SGIP1: variants seen among roughly 807,000 people sequenced by gnomAD.
SGIP1 encodes SH3GL interacting endocytic adaptor 1.
Under a neutral mutation model 107.5 loss-of-function variants are expected in SGIP1, and 38 were observed. The ratio of observed to expected loss-of-function variants is 0.35; its 90% confidence interval spans 0.27 to 0.46. SGIP1 has a LOEUF of 0.46. Among genes scored for constraint, SGIP1 ranks in the 20% least tolerant of loss-of-function variants. The pLI, the probability that SGIP1 is intolerant of heterozygous loss-of-function variation, is 1.00. For missense variants in SGIP1, 929 were observed against 1,019.5 expected (o/e 0.91, Z 1.21); for synonymous variants, 365 against 366.1 (o/e 1.00, Z 0.03).
chr1:66,665,950 TC>T (rs759844771), intron 8 of SGIP1: 1 of 151,988 alleles, frequency 6.6e-6, no homozygotes, highest in Non-Finnish European at 1.5e-5. Flanking sequence ...TAGTTTCTTT[TC>T]CTGTGCAGAA....
intron 1 of SGIP1, among the ~76,000 whole-genome samples, chr1:66,597,245 G>T (rs2064887961): frequency 6.6e-6 from 1 of 152,136 alleles, no homozygotes; most frequent in African/African-American, 2.4e-5. Flanking sequence ...AATGTCTATT[G>T]TTCCCTTCTT....
intron 20 of SGIP1, among the ~76,000 whole-genome samples, chr1:66,732,886 T>C (rs1010378191): frequency 6.6e-6 from 1 of 152,192 alleles, no homozygotes; most frequent in Non-Finnish European, 1.5e-5. Flanking sequence ...TATAGGATAT[T>C]CTGAAAGTGA....
intron 18 of SGIP1, among the ~76,000 whole-genome samples, chr1:66,702,880 T>G (rs946654521): frequency 6.6e-6 from 1 of 152,184 alleles, no homozygotes; most frequent in East Asian, 1.9e-4. Flanking sequence ...GAACCCTGAG[T>G]GTCAGCTGCA....
chr1:66,648,335 C>T (rs764683596), intron 7 of SGIP1, among the ~76,000 whole-genome samples: 1 of 152,148 alleles, frequency 6.6e-6, no homozygotes, highest in Non-Finnish European at 1.5e-5. Flanking sequence ...CCCAAATTCT[C>T]TGTTCTTGAC....
intron 13 of SGIP1, 41 bp downstream of exon 13, chr1:66,677,137 C>A: frequency 1.3e-6 from 2 of 1,490,976 alleles, no homozygotes; most frequent in Non-Finnish European, 1.9e-6. Flanking sequence ...ATAAGTGACT[C>A]ATTTTAGTGT....
intron 17 of SGIP1, 175 bp from the exon 18 acceptor site, chr1:66,695,255 TAAAA>T (rs570067011): frequency 1.6e-4 from 151 of 949,274 alleles, no homozygotes; most frequent in South Asian, 5.0e-4. Context: ...TTTCCTGAAC[TAAAA>T]AAAAAAAAAA....
chr1:66,612,055 A>T (rs1227253648), intron 1 of SGIP1, among the ~76,000 whole-genome samples: 2 of 152,228 alleles, frequency 1.3e-5, no homozygotes, highest in Non-Finnish European at 2.9e-5. Flanking sequence ...TCGGTTCTGC[A>T]GGCTGCACAA....
At chr1:66,636,681 T>A (rs1424129493) in intron 4 of SGIP1, among the ~76,000 whole-genome samples, 1 of 152,188 alleles carries the variant, frequency 6.6e-6, no homozygotes, top group Non-Finnish European at 1.5e-5. Flanking sequence ...TCTATAGAAT[T>A]ATTTACAAAG....
At chr1:66,636,665 T>C (rs1210605953) in intron 4 of SGIP1, among the ~76,000 whole-genome samples, 3 of 152,198 alleles carry the variant, frequency 2.0e-5, no homozygotes, top group South Asian at 4.1e-4. Flanking sequence ...TATTGGGCCG[T>C]GCTGTTCTAT....
intron 21 of SGIP1, among the ~76,000 whole-genome samples, chr1:66,736,946 C>G (rs955687267): frequency 6.6e-6 from 1 of 151,990 alleles, no homozygotes; most frequent in Non-Finnish European, 1.5e-5. Context: ...ATAGTATATA[C>G]TCTTCAAACA....
At chr1:66,642,141 C>T (rs2076906268) in intron 5 of SGIP1, among the ~76,000 whole-genome samples, 1 of 152,172 alleles carries the variant, frequency 6.6e-6, no homozygotes, top group Non-Finnish European at 1.5e-5. Flanking sequence ...ACCTCAAGTC[C>T]AAACTCTTCC....
At position 66,729,354 on chromosome 1, in the gene SGIP1, G is replaced by A; in HGVS notation, c.1833G>A (p.Leu611=). ...HFANNPSPAA[L]TFRVINFSRL... is the part of the protein sequence containing the mutation. ...CCAACAACCCGTCCCCAGCTGCTCTGACTTTTCGGGTGATAAATTTCAGCA... is the reference window on the plus strand; with the variant it reads ...CCAACAACCCGTCCCCAGCTGCTCTAACTTTTCGGGTGATAAATTTCAGCA... Residue 611 remains leucine, a synonymous_variant, in exon 20 of 25, where the codon CTG becomes CTA. Coordinates refer to ENST00000371037, the MANE Select transcript of SGIP1 (RefSeq NM_032291.4). 6.2e-7 allele frequency: 1 copy of A among 1,614,084 alleles called. No individual in the cohort carries two copies. Among genetic ancestry groups the A allele is most frequent in the Non-Finnish European group, 8.5e-7 (1 of 1,180,004 alleles).
intron 1 of SGIP1, among the ~76,000 whole-genome samples, chr1:66,570,103 G>A (rs1571489845): frequency 6.6e-6 from 1 of 151,798 alleles, no homozygotes; most frequent in East Asian, 1.9e-4. Context: ...AATTTACGAT[G>A]TCTCTCTTTT....
intron 1 of SGIP1, among the ~76,000 whole-genome samples, chr1:66,604,237 C>T (rs2066394365): frequency 6.6e-6 from 1 of 152,088 alleles, no homozygotes. Flanking sequence ...TTTCTCATCC[C>T]TTGGGTTTAT....
chr1:66,622,457 A>G (rs1258736941), intron 1 of SGIP1, among the ~76,000 whole-genome samples: 5 of 152,118 alleles, frequency 3.3e-5, no homozygotes, highest in Admixed American at 2.6e-4. Flanking sequence ...CTGTTACTTT[A>G]TTTATCTTAT....
intron 1 of SGIP1, among the ~76,000 whole-genome samples, chr1:66,572,188 A>G (rs1244650521): frequency 1.3e-5 from 2 of 151,906 alleles, no homozygotes; most frequent in African/African-American, 4.8e-5. Flanking sequence ...CAGAAAGACC[A>G]TTTTTCTACC....
chr1:66,622,920 T>C (rs10789211), intron 1 of SGIP1, among the ~76,000 whole-genome samples: 35,747 of 152,122 alleles, frequency 0.23, 4,943 homozygotes, highest in African/African-American at 0.38. Context: ...CTACCTGAAG[T>C]CAAAAATCAT....
intron 16 of SGIP1, among the ~76,000 whole-genome samples, chr1:66,689,888 T>C (rs554255157): frequency 2.7e-4 from 41 of 152,334 alleles, no homozygotes; most frequent in Middle Eastern, 3.4e-3. Flanking sequence ...GTATGAGTTC[T>C]CACTCTGTGT....
Position 66,660,207 on chromosome 1 carries a change from GAA to G in SGIP1, c.460-304_460-303del, listed in dbSNP as rs768151352. ...AGAAAGAAAGAAAGAAAGAAAGAAAGAAAGAAAGAGAAAGAAAGAAAGAGGGA... is the reference window on the plus strand; with the variant it reads ...AGAAAGAAAGAAAGAAAGAAAGAAAGAGAAAGAGAAAGAAAGAAAGAGGGA... On this transcript the variant is annotated intron_variant, in intron 7 of 24. Coordinates refer to ENST00000371037, the MANE Select transcript of SGIP1 (RefSeq NM_032291.4). The G allele has an allele frequency of 3.9e-3, 690 of 176,470 alleles. 45 individuals are homozygous for G. The highest frequency in any genetic ancestry group is 0.014 in the East Asian group (61 of 4,294). 10.9% of individuals were successfully genotyped at this position (176,470 alleles called of 1,614,324 possible).
Sources: allele counts gnomAD v4.1 joint callset (sites outside exome capture counted in the v4.1 genomes callset), GRCh38; gene constraint gnomAD v4.1.1; transcripts MANE v1.5; gene names NCBI Gene and HGNC (gene_info 2026-07-23, HGNC 2026-07-21).